Variants in SLC6A11 observed in about 807,000 individuals in gnomAD.
SLC6A11 encodes the protein solute carrier family 6 member 11.
Under a neutral mutation model 74.8 loss-of-function variants are expected in SLC6A11, and 25 were observed. The observed-to-expected ratio is 0.33, with a 90% confidence interval of 0.24 to 0.47. The LOEUF is 0.47. Among genes scored for constraint, SLC6A11 ranks in the 20% least tolerant of loss-of-function variants. The pLI is 1.00. For synonymous variants in SLC6A11, 330 were observed against 330.2 expected (o/e 1.00, Z 0.01); for missense variants, 574 against 837.0 (o/e 0.69, Z 3.88).
rs755643047 is a variant in SLC6A11 at position 10,934,142 on chromosome 3, G to T, written c.1551G>T (p.Met517Ile). The change falls in exon 12 of 14, where the codon ATG becomes ATT. Residue 517 changes from methionine to isoleucine, a missense_variant. Met to Ile is a conservative substitution (Grantham distance 10, BLOSUM62 1). Transcript: ENST00000254488. The part of the protein sequence containing the change: ...RPPSLIKWCW[M>I]IMTPGICAGI... ...CGTCGCTCATTAAGTGGTGCTGGAT[G>T]ATCATGACCCCTGGGATCTGCGCGG... 10 of 1,613,288 alleles carry T rather than the reference G, an allele frequency of 6.2e-6. No homozygotes were observed. The highest frequency in any genetic ancestry group is 1.1e-5 in the South Asian group (1 of 91,052).
intron 4 of SLC6A11, among the ~76,000 whole-genome samples, chr3:10,841,916 C>T (rs4284961): frequency 1.3e-5 from 2 of 152,230 alleles, no homozygotes; most frequent in Admixed American, 1.3e-4. Flanking sequence ...AGCTAAGCAT[C>T]TGGAGTGGGC....
intron 6 of SLC6A11, among the ~76,000 whole-genome samples, chr3:10,895,607 C>T (rs563873197): frequency 3.3e-5 from 5 of 152,152 alleles, no homozygotes; most frequent in East Asian, 3.9e-4. Context: ...GGGGGGATAG[C>T]GGGAGGGAGA....
intron 4 of SLC6A11, among the ~76,000 whole-genome samples, chr3:10,826,939 C>A (rs1694217759): frequency 6.6e-6 from 1 of 152,220 alleles, no homozygotes; most frequent in African/African-American, 2.4e-5. Context: ...AGTTCATGGG[C>A]AAATGAACCC....
intron 1 of SLC6A11, among the ~76,000 whole-genome samples, chr3:10,817,090 A>G (rs1694073536): frequency 2.0e-5 from 3 of 152,158 alleles, no homozygotes. Flanking sequence ...CAAAGGCCCT[A>G]TTTTAAACTG....
At chr3:10,888,836 A>C (rs957569965) in intron 6 of SLC6A11, among the ~76,000 whole-genome samples, 3 of 152,114 alleles carry the variant, frequency 2.0e-5, no homozygotes, top group African/African-American at 7.2e-5. Flanking sequence ...TCATCCACCA[A>C]ATATTTGTTG....
intron 6 of SLC6A11, among the ~76,000 whole-genome samples, chr3:10,883,501 C>G (rs956485140): frequency 6.6e-6 from 1 of 152,204 alleles, no homozygotes; most frequent in African/African-American, 2.4e-5. Context: ...TCCACCTCCT[C>G]TGTGCAGGGA....
At chr3:10,894,255 G>A (rs1292678498) in intron 6 of SLC6A11, among the ~76,000 whole-genome samples, 1 of 152,182 alleles carries the variant, frequency 6.6e-6, no homozygotes, top group Non-Finnish European at 1.5e-5. Flanking sequence ...AGCTGTCACC[G>A]GTTCCATTCA....
chr3:10,847,883 G>A (rs1223072767), intron 5 of SLC6A11, among the ~76,000 whole-genome samples: 8 of 152,142 alleles, frequency 5.3e-5, no homozygotes, highest in Admixed American at 5.2e-4. Flanking sequence ...TCCCACGTGG[G>A]CAGAGGTCAC....
At position 10,816,255 on chromosome 3, in the gene SLC6A11, C is replaced by A. The variant is rs983022917; in HGVS notation, c.-11C>A. On this transcript the variant is annotated 5_prime_UTR_variant, in exon 1 of 14. Transcript: ENST00000254488. This position sits in a 1 kb window ranked among gnomAD's most constrained non-coding sequence, Gnocchi z 4.2. ...AGAGCCGGGCCGGCGCACGAGGCAG[C>A]CAGCGCGGCCATGACGGCGGAGAAG... is the stretch of plus-strand genomic sequence containing the variant. 3.0e-6 allele frequency: 4 copies of A among 1,315,884 alleles called. No individual in the cohort carries two copies. The East Asian group carries it at 9.8e-5, about 32-fold the overall frequency. 81.5% of individuals were successfully genotyped at this position (1,315,884 alleles called of 1,614,324 possible).
intron 5 of SLC6A11, among the ~76,000 whole-genome samples, chr3:10,844,672 G>A (rs1020951129): frequency 6.6e-6 from 1 of 152,180 alleles, no homozygotes; most frequent in African/African-American, 2.4e-5. Flanking sequence ...CTACTACAAG[G>A]GTTCTTTGGT....
chr3:10,934,005 C>G, intron 11 of SLC6A11, 61 bp from the exon 12 acceptor site: 1 of 1,130,964 alleles, frequency 8.8e-7, no homozygotes, highest in South Asian at 1.3e-5. Context: ...AGCCATTCCT[C>G]TGACTCATGT....
In SLC6A11 at chr3:10,939,930, T is replaced by G. The variant is rs527297713; in HGVS notation, c.*1528T>G. 6 of 152,310 alleles carry G rather than the reference T, an allele frequency of 3.9e-5. No individual in the cohort carries two copies. The highest frequency in any genetic ancestry group is 1.4e-4 in the African/African-American group (6 of 41,572). 9.4% of individuals were successfully genotyped at this position (152,310 alleles called of 1,614,324 possible). A position where few individuals can be genotyped will look rare whatever the true frequency, so the allele number is the denominator to read the frequency against. On this transcript the variant is annotated 3_prime_UTR_variant, in exon 14 of 14. Coordinates refer to ENST00000254488, the MANE Select transcript of SLC6A11 (RefSeq NM_014229.3). ...TATGAGGGTGGGGAAGGCACACTCT[T>G]TTTTCCTTTTTCCTTAGGTTCCCAA...
At chr3:10,835,382 G>A (rs542289596) in intron 4 of SLC6A11, among the ~76,000 whole-genome samples, 5 of 152,176 alleles carry the variant, frequency 3.3e-5, no homozygotes, top group Non-Finnish European at 7.3e-5. Context: ...GAATGGCTGC[G>A]TTATGAACCC....
chr3:10,823,510 T>C, intron 4 of SLC6A11, 118 bp downstream of exon 4: 1 of 703,878 alleles, frequency 1.4e-6, no homozygotes, highest in Non-Finnish European at 2.6e-6. Context: ...TGGCACTTCC[T>C]GGCTTCTGTG....
intron 1 of SLC6A11, among the ~76,000 whole-genome samples, chr3:10,818,335 C>T (rs975035275): frequency 2.6e-5 from 4 of 152,164 alleles, no homozygotes; most frequent in Admixed American, 1.3e-4. Context: ...ACTTAGATTT[C>T]GATTCAGTAA....
chr3:10,907,815 C>T (rs1164896496), intron 6 of SLC6A11, among the ~76,000 whole-genome samples: 4 of 152,206 alleles, frequency 2.6e-5, no homozygotes, highest in African/African-American at 4.8e-5. Flanking sequence ...CTATTCTAAA[C>T]ATGCAAGAAC....
intron 6 of SLC6A11, among the ~76,000 whole-genome samples, chr3:10,891,111 A>T (rs975388066): frequency 6.6e-6 from 1 of 152,100 alleles, no homozygotes; most frequent in Non-Finnish European, 1.5e-5. Flanking sequence ...AAGGAATGAA[A>T]CCTCAGCCTC....
chr3:10,826,138 G>C (rs189232859), intron 4 of SLC6A11, among the ~76,000 whole-genome samples: 2 of 152,342 alleles, frequency 1.3e-5, no homozygotes, highest in Admixed American at 1.3e-4. Flanking sequence ...CCTGTCTATG[G>C]ACATGGTATA....
intron 6 of SLC6A11, among the ~76,000 whole-genome samples, chr3:10,889,537 T>C (rs1695084006): frequency 1.3e-5 from 2 of 152,210 alleles, no homozygotes; most frequent in Admixed American, 1.3e-4. Context: ...GTTGGAATCA[T>C]ACAGTTTGTA....
Sources: allele counts gnomAD v4.1 joint callset (sites outside exome capture counted in the v4.1 genomes callset), GRCh38; gene constraint gnomAD v4.1.1; non-coding constraint Gnocchi (gnomAD v3.1); transcripts MANE v1.5; gene names NCBI Gene and HGNC (gene_info 2026-07-23, HGNC 2026-07-21).